Variants in PDE4C observed in about 807,000 individuals in gnomAD.
PDE4C encodes the protein phosphodiesterase 4C.
In PDE4C, 50 loss-of-function variants were observed where a neutral mutation model predicts 63.9. That is an observed-to-expected ratio of 0.78 (90% CI 0.62 to 0.99). PDE4C has a LOEUF of 0.99. PDE4C is among the 50% of genes least tolerant of loss of function. The pLI, the probability that PDE4C is intolerant of heterozygous loss-of-function variation, is 0.00. For synonymous variants in PDE4C, 377 were observed against 385.1 expected (o/e 0.98, Z 0.25); for missense variants, 777 against 899.1 (o/e 0.86, Z 1.74).
chr19:18,219,498 C>A (rs1446493008), intron 7 of PDE4C, 101 bp from the exon 8 acceptor site: 2 of 1,343,656 alleles, frequency 1.5e-6, no homozygotes, highest in Non-Finnish European at 2.0e-6. Context: ...AACCTATTTC[C>A]CTTTCTACAG....
At chr19:18,224,606 G>C (rs981510139) in intron 1 of PDE4C, 5 of 738,398 alleles carry the variant, frequency 6.8e-6, no homozygotes, top group Middle Eastern at 6.8e-4. Context: ...GTCCGGTTAC[G>C]CTCGGTCTGC....
At chr19:18,211,115 G>T in exon 15 of PDE4C, 5 of 1,614,068 alleles carry the variant, frequency 3.1e-6, no homozygotes, top group Non-Finnish European at 4.2e-6. Context: ...TGTCAGGCCC[G>T]TCCCGCTCGG....
At chr19:18,244,355 C>T (rs971165380) in intron 1 of PDE4C, among the ~76,000 whole-genome samples, 7 of 151,034 alleles carry the variant, frequency 4.6e-5, no homozygotes, top group South Asian at 2.1e-4. Context: ...AGTGCAGTGG[C>T]GCAGTCACAG....
upstream of PDE4C, among the ~76,000 whole-genome samples, chr19:18,229,770 G>A (rs1968812684): frequency 6.6e-6 from 1 of 152,068 alleles, no homozygotes; most frequent in South Asian, 2.1e-4. Context: ...GGTCACATGT[G>A]TAGATGTTCG....
chr19:18,248,280 C>T (rs1969168022), upstream of PDE4C: 1 of 453,280 alleles, frequency 2.2e-6, no homozygotes, highest in African/African-American at 2.0e-5. Flanking sequence ...AACACCCACT[C>T]AGCGGAGCCC....
upstream of PDE4C, chr19:18,252,056 A>G (rs1277118215): frequency 2.5e-6 from 1 of 398,638 alleles, no homozygotes; most frequent in African/African-American, 2.1e-5. Flanking sequence ...AAATCTCTTA[A>G]TACTCACCTG....
chr19:18,215,450 G>A (rs149124500), intron 12 of PDE4C, among the ~76,000 whole-genome samples: 1 of 151,410 alleles, frequency 6.6e-6, no homozygotes, highest in East Asian at 1.9e-4. Flanking sequence ...AATGAATGAG[G>A]CATGAGACCC....
At chr19:18,211,357 C>T (rs1967932226) in intron 14 of PDE4C, 81 bp from the exon 15 acceptor site, 8 of 1,220,684 alleles carry the variant, frequency 6.6e-6, no homozygotes, top group East Asian at 2.5e-5. Context: ...GATCTTTAGC[C>T]AAGTTGTTCC....
rs944619572 is a variant in PDE4C, at chr19:18,213,237, T to G, written c.1512+131A>C. 5.7e-6 allele frequency: 4 copies of G among 695,812 alleles called. No individual in the cohort carries two copies. The African/African-American group carries it at 7.4e-5, about 13-fold the overall frequency. 43.1% of individuals were successfully genotyped at this position (695,812 alleles called of 1,614,324 possible). ...AGGCAGAGCTTGCACTGAGCCAAGA[T>G]GGCGCCACTGCACTCCAGCCTGGGC... On this transcript the variant is annotated intron_variant, in intron 13 of 14. Coordinates refer to ENST00000262805, the Ensembl canonical transcript of PDE4C.
At chr19:18,235,049 T>C (rs60840644), upstream of PDE4C, among the ~76,000 whole-genome samples, 8,086 of 152,238 alleles carry the variant, frequency 0.053, 732 homozygotes, top group African/African-American at 0.18. Context: ...TGTCTCCAAC[T>C]CTTGGCATCA....
At chr19:18,235,202 A>T (rs1302880268), upstream of PDE4C, among the ~76,000 whole-genome samples, 2 of 152,108 alleles carry the variant, frequency 1.3e-5, no homozygotes, top group Non-Finnish European at 2.9e-5. Context: ...ACGGAGTCTC[A>T]CTGTGTTACC....
At chr19:18,221,701 T>TA (rs1411071064) in intron 2 of PDE4C, among the ~76,000 whole-genome samples, 1 of 152,164 alleles carries the variant, frequency 6.6e-6, no homozygotes, top group Non-Finnish European at 1.5e-5. Context: ...CTCGGCTCAC[T>TA]ACAACCTCCG....
At chr19:18,244,373 C>T (rs1313488399) in intron 1 of PDE4C, among the ~76,000 whole-genome samples, 1 of 151,870 alleles carries the variant, frequency 6.6e-6, no homozygotes, top group Non-Finnish European at 1.5e-5. Flanking sequence ...CAGCTCACTG[C>T]AGCCTCGGCC....
At chr19:18,238,847 C>G (rs1968994496) in intron 1 of PDE4C, among the ~76,000 whole-genome samples, 1 of 151,906 alleles carries the variant, frequency 6.6e-6, no homozygotes, top group South Asian at 2.1e-4. Flanking sequence ...GAAAATTAGC[C>G]AGGTGTGGTG....
chr19:18,246,780 A>T (rs1257465751), intron 1 of PDE4C, among the ~76,000 whole-genome samples: 1 of 152,130 alleles, frequency 6.6e-6, no homozygotes, highest in African/African-American at 2.4e-5. Context: ...TACAAAAATC[A>T]GCCGGGCGTC....
upstream of PDE4C, chr19:18,250,129 C>T (rs1285146061): frequency 7.5e-6 from 3 of 398,660 alleles, no homozygotes; most frequent in South Asian, 1.3e-4. Context: ...CTCCTCAGGG[C>T]TCACTCCTGG....
chr19:18,226,384 G>A (rs1252465537), exon 1 of PDE4C: 1 of 1,468,838 alleles, frequency 6.8e-7, no homozygotes, highest in South Asian at 1.3e-5. Flanking sequence ...GCCGGGCCCG[G>A]GGACCGGGGC....
chr19:18,225,287 T>C (rs1044269347), intron 1 of PDE4C, among the ~76,000 whole-genome samples: 4 of 152,118 alleles, frequency 2.6e-5, no homozygotes, highest in African/African-American at 9.7e-5. Context: ...TCATCCTCAC[T>C]TCTGAGTACC....
At chr19:18,211,702 A>G (rs1369615745) in intron 14 of PDE4C, 57 bp downstream of exon 14, 1 of 1,593,440 alleles carries the variant, frequency 6.3e-7, no homozygotes, top group East Asian at 2.2e-5. Flanking sequence ...GGGTTGGCTC[A>G]GCCCCTCCTT....
Sources: allele counts gnomAD v4.1 joint callset (sites outside exome capture counted in the v4.1 genomes callset), GRCh38; gene constraint gnomAD v4.1.1; transcripts MANE v1.5; gene names NCBI Gene and HGNC (gene_info 2026-07-23, HGNC 2026-07-21).